The following TCN2 variants were observed in gnomAD, a reference collection of about 807,000 sequenced individuals.
TCN2 encodes the protein transcobalamin-2.
TCN2 carries 34 observed loss-of-function variants against 48.6 expected under a neutral mutation model. The observed-to-expected ratio is 0.70, with a 90% CI of 0.53 to 0.93. The LOEUF (loss-of-function observed/expected upper bound fraction) is 0.93. Ranked by LOEUF, TCN2 falls within the 40% of genes least tolerant of loss-of-function variation. The probability of loss-of-function intolerance (pLI) is 0.00; values close to 1 mark genes in which losing one functional copy is unlikely to be tolerated. For synonymous variants in TCN2, 283 were observed against 212.5 expected, an observed-to-expected ratio of 1.33 and a Z score of -2.89; for missense variants, 652 against 526.1, an observed-to-expected ratio of 1.24 and a Z score of -2.34.
At chr22:30,615,840 T>C (rs1422562954) in intron 6 of TCN2, 53 bp downstream of exon 6, 30 of 1,607,680 alleles carry the variant, frequency 1.9e-5, no homozygotes, top group Admixed American at 3.3e-5. Flanking sequence ...TGCGCACCCA[T>C]TGACGTCCCA....
At chr22:30,618,113 A>ATTT (rs60134354) in intron 7 of TCN2, among the ~76,000 whole-genome samples, 1 of 124,302 alleles carries the variant, frequency 8.0e-6, no homozygotes, top group African/African-American at 3.2e-5. Context: ...ACCCTGGGTA[A>ATTT]TTTTTTTTTT....
chr22:30,607,227 G>T lies in TCN2; in HGVS notation c.-105G>T. 1.6e-6 allele frequency: 2 copies of T among 1,216,520 alleles called. No individual in the cohort carries two copies. The highest frequency in any genetic ancestry group is 2.4e-5 in the South Asian group (2 of 82,952). 75.4% of individuals were successfully genotyped at this position (1,216,520 alleles called of 1,614,324 possible). On this transcript the variant is annotated 5_prime_UTR_variant, in exon 1 of 9. Transcript: ENST00000215838. ...GAGGATTAATCAGTGACAGGAAGCTGCGTCTCTCGGAGCGGTGACCAGCTG... is the reference window on the plus strand; with the variant it reads ...GAGGATTAATCAGTGACAGGAAGCTTCGTCTCTCGGAGCGGTGACCAGCTG...
chr22:30,609,171 T>C (rs531048814), intron 1 of TCN2, among the ~76,000 whole-genome samples: 3 of 151,928 alleles, frequency 2.0e-5, no homozygotes, highest in Non-Finnish European at 4.4e-5. Flanking sequence ...TTTTTTTTTT[T>C]TTAATTTTCT....
rs1194608069 is a variant in TCN2 at position 30,623,006 on chromosome 22, C to T, written c.1145C>T (p.Thr382Ile). 1.2e-6 allele frequency: 2 copies of T among 1,614,018 alleles called. No individual in the cohort carries two copies. The highest frequency in any genetic ancestry group is 1.1e-5 in the South Asian group (1 of 91,086). ...TQASLSGPYL[T>I]SVMGKAAGER... ...GCCTCCTTGTCAGGCCCCTACTTAA[C>T]CTCCGTGATGGGGAAAGCGGCCGGA... The change falls in exon 8 of 9, where the codon ACC becomes ATC. Residue 382 changes from threonine to isoleucine, a missense_variant. Physicochemically the swap from Thr to Ile is moderately conservative, Grantham distance 89. Coordinates refer to ENST00000215838, the MANE Select transcript of TCN2 (RefSeq NM_000355.4).
In TCN2 at chr22:30,623,805, C is replaced by CGTAT. The variant is rs1569046475; in HGVS notation, c.1222+722_1222+723insGTAT. On this transcript the variant is annotated intron_variant, in intron 8 of 8. Coordinates refer to ENST00000215838, the MANE Select transcript of TCN2 (RefSeq NM_000355.4). The stretch of plus-strand genomic sequence containing the variant: ...ATATGTATACATATATACACACATA[C>CGTAT]ACATATATACACACACATACACACA... 2.2e-4 allele frequency among the ~76,000 whole-genome samples: 6 copies of CGTAT among 27,398 alleles called. 2 individuals are homozygous for CGTAT. Among genetic ancestry groups the CGTAT allele is most frequent in the African/African-American group, 9.5e-4 (2 of 2,104 alleles). 18.0% of individuals were successfully genotyped at this position (27,398 alleles called of 152,430 possible).
Position 30,614,357 on chromosome 22 carries a change from C to T in TCN2, c.436C>T (p.His146Tyr), listed in dbSNP as rs1015262047. The change falls in exon 4 of 9, where the codon CAC (histidine) becomes TAC (tyrosine). Residue 146 changes from histidine (H) to tyrosine (Y), a missense_variant. Coordinates refer to ENST00000215838, the MANE Select transcript of TCN2 (RefSeq NM_000355.4). The stretch of plus-strand genomic sequence containing the variant: ...GTTTTTTTCCCTCTCAGGGCATGAT[C>T]ACAAGGGCCACCCCCACACTAGCTA... ...EDEKRAIGHD[H>Y]KGHPHTSYYQ... 1.2e-6 allele frequency: 2 copies of T among 1,614,024 alleles called. No homozygotes were observed. Among genetic ancestry groups the T allele is most frequent in the African/African-American group, 1.3e-5 (1 of 74,920 alleles).
intron 7 of TCN2, among the ~76,000 whole-genome samples, chr22:30,622,720 C>T (rs988301301): frequency 8.5e-5 from 13 of 152,184 alleles, no homozygotes; most frequent in African/African-American, 9.7e-5. Context: ...AATAGATGCC[C>T]CTTTCCTGGA....
intron 8 of TCN2, among the ~76,000 whole-genome samples, chr22:30,625,339 G>A (rs1012136120): frequency 7.2e-5 from 11 of 152,112 alleles, no homozygotes; most frequent in African/African-American, 2.4e-4. Context: ...GGTGTTACCT[G>A]CTGGCTGTGT....
chr22:30,609,026 A>G (rs768219540), intron 1 of TCN2, among the ~76,000 whole-genome samples: 2 of 152,026 alleles, frequency 1.3e-5, no homozygotes, highest in African/African-American at 2.4e-5. Flanking sequence ...TCCTCGGTGT[A>G]GTACAAGGAA....
At chr22:30,619,539 T>C (rs1314760800) in intron 7 of TCN2, among the ~76,000 whole-genome samples, 1 of 152,210 alleles carries the variant, frequency 6.6e-6, no homozygotes, top group East Asian at 1.9e-4. Flanking sequence ...CTGTCCATGA[T>C]GAAATAAGAT....
chr22:30,618,436 C>T (rs935397480), intron 7 of TCN2, among the ~76,000 whole-genome samples: 5 of 152,000 alleles, frequency 3.3e-5, no homozygotes, highest in Non-Finnish European at 5.9e-5. Context: ...ACTGCAACCT[C>T]CGTCTCCTGG....
intron 7 of TCN2, chr22:30,617,759 G>C (rs778462668): frequency 2.0e-6 from 1 of 501,498 alleles, no homozygotes; most frequent in Non-Finnish European, 3.6e-6. Flanking sequence ...TTCCAGGTAG[G>C]CACCCACAAT....
At position 30,615,629 on chromosome 22, in the gene TCN2, C is replaced by T. The variant is rs779255018; in HGVS notation, c.782C>T (p.Ala261Val). ...QFLMTSPMRG[A>V]ELGTACLKAR... ...CTCATGACTTCCCCCATGCGTGGGGCAGAACTGGGAACAGCATGTCTCAAG... is the reference window on the plus strand; with the variant it reads ...CTCATGACTTCCCCCATGCGTGGGGTAGAACTGGGAACAGCATGTCTCAAG... The change falls in exon 6 of 9, where the codon GCA (alanine) becomes GTA (valine). Residue 261 changes from alanine (A) to valine (V), a missense_variant. Ala to Val is a moderately conservative substitution (Grantham distance 64, BLOSUM62 0). Coordinates refer to ENST00000215838, the MANE Select transcript of TCN2 (RefSeq NM_000355.4). 15 of 1,614,020 alleles carry T rather than the reference C, an allele frequency of 9.3e-6. No homozygotes were observed. The highest frequency in any genetic ancestry group is 1.2e-5 in the Non-Finnish European group (14 of 1,180,018).
At position 30,614,343 on chromosome 22, in the gene TCN2, T is replaced by G; in HGVS notation, c.428-6T>G. 1.9e-6 allele frequency: 3 copies of G among 1,613,974 alleles called. No homozygotes were observed. The highest frequency in any genetic ancestry group is 2.5e-6 in the Non-Finnish European group (3 of 1,179,920). ...GAGGCAACCCCTCTGTTTTTTTCCCTCTCAGGGCATGATCACAAGGGCCAC... is the reference window on the plus strand; with the variant it reads ...GAGGCAACCCCTCTGTTTTTTTCCCGCTCAGGGCATGATCACAAGGGCCAC... On this transcript the variant is annotated splice_region_variant and splice_polypyrimidine_tract_variant and intron_variant, in intron 3 of 8. Coordinates refer to ENST00000215838, the MANE Select transcript of TCN2 (RefSeq NM_000355.4).
intron 7 of TCN2, among the ~76,000 whole-genome samples, 166 bp from the exon 8 acceptor site, chr22:30,622,802 G>C (rs2087718132): frequency 6.6e-6 from 1 of 152,174 alleles, no homozygotes; most frequent in Admixed American, 6.5e-5. Context: ...AGGGGAAGGA[G>C]GTGGAAGTTG....
At chr22:30,612,798 CGGGTGGGGT>C (rs1569039502) in intron 2 of TCN2, 66 bp from the exon 3 acceptor site, 3 of 1,578,628 alleles carry the variant, frequency 1.9e-6, no homozygotes, top group Non-Finnish European at 2.6e-6. Context: ...CTTTGTGATG[CGGGTGGGGT>C]GGGTGCTGTA....
chr22:30,613,165 C>T (rs1375997026), intron 3 of TCN2, 123 bp downstream of exon 3: 26 of 1,363,084 alleles, frequency 1.9e-5, no homozygotes, highest in Non-Finnish European at 2.4e-5. Flanking sequence ...TCCATTCTGC[C>T]CATCTCACTG....
At chr22:30,611,374 G>A (rs1477776559) in intron 2 of TCN2, among the ~76,000 whole-genome samples, 1 of 152,188 alleles carries the variant, frequency 6.6e-6, no homozygotes, top group Non-Finnish European at 1.5e-5. Flanking sequence ...TAGTGTGCCT[G>A]AGGCAGATAT....
chr22:30,611,040 T>C lies in TCN2; in HGVS notation c.234T>C (p.Leu78=). The C allele has an allele frequency of 9.3e-6, 15 of 1,614,102 alleles. No homozygotes were observed. The highest frequency in any genetic ancestry group is 1.2e-5 in the Non-Finnish European group (14 of 1,179,984). Residue 78 remains leucine (L), a synonymous_variant, in exon 2 of 9, where the codon CTT becomes CTC. Transcript: ENST00000215838. ...ACCTCTACCTGCACAGCCTCAAGCT[T>C]GGTTACCAGCAGTGCCTCCTAGGGT... is the stretch of plus-strand genomic sequence containing the variant. ...KEDLYLHSLK[L]GYQQCLLGSA...
Sources: gnomAD v4.1 joint callset for allele counts (sites outside exome capture counted in the v4.1 genomes callset) on GRCh38, gnomAD v4.1.1 for gene constraint, MANE v1.5 for transcripts, NCBI Gene and HGNC (gene_info 2026-07-23, HGNC 2026-07-21) for gene names.